HECTD4: variants seen among roughly 807,000 people sequenced by gnomAD.
HECTD4 encodes the protein HECT domain E3 ubiquitin protein ligase 4.
Under a neutral mutation model 471.5 loss-of-function variants are expected in HECTD4, and 114 were observed. The ratio of observed to expected loss-of-function variants is 0.24; its 90% confidence interval spans 0.21 to 0.28. The LOEUF (loss-of-function observed/expected upper bound fraction) is 0.28, where lower values mean the gene tolerates loss of function less well. HECTD4 is among the 10% of genes least tolerant of loss of function. The pLI, the probability that HECTD4 is intolerant of heterozygous loss-of-function variation, is 1.00. For missense variants in HECTD4, 3,866 were observed against 5,651.5 expected (o/e 0.68, Z 10.13); for synonymous variants, 2,012 against 2,256.0 (o/e 0.89, Z 3.07).
chr12:112,381,441 G>C lies in HECTD4; in HGVS notation c.177+511C>G, dbSNP rs74836869. ...AGAAGTTGCTGGATTGCCCATCGCG[G>C]ACCCGCAGCTGCCACTACCCTCTCC... On this transcript the variant is annotated intron_variant, in intron 1 of 75. Transcript: ENST00000682272. This position sits in a 1 kb window ranked among gnomAD's most constrained non-coding sequence, Gnocchi z 4.1. Among the ~76,000 whole-genome samples, 2 of 152,070 alleles carry C rather than the reference G, an allele frequency of 1.3e-5. No homozygotes were observed. Among genetic ancestry groups the C allele is most frequent in the Non-Finnish European group, 2.9e-5 (2 of 68,024 alleles).
chr12:112,296,726 T>C (rs1199780471), intron 7 of HECTD4, among the ~76,000 whole-genome samples: 1 of 119,238 alleles, frequency 8.4e-6, no homozygotes, highest in Non-Finnish European at 1.8e-5. Flanking sequence ...TAGGTGCAGA[T>C]GGTGTAGGTG....
chr12:112,375,258 T>C (rs573731115), intron 1 of HECTD4, among the ~76,000 whole-genome samples: 1 of 152,342 alleles, frequency 6.6e-6, no homozygotes, highest in Admixed American at 6.5e-5. Context: ...AATACTCCAT[T>C]GTATGGATGT....
Position 112,330,917 on chromosome 12 carries a change from A to G in HECTD4, c.178-11175T>C, listed in dbSNP as rs140097041. On this transcript the variant is annotated intron_variant, in intron 1 of 75. Transcript: ENST00000682272. ...GTGGTGAGGGGGAGGGGACATCAGA[A>G]TATGATTTAGGGCAGCTGTTCTCAA... 1.8e-3 allele frequency among the ~76,000 whole-genome samples: 280 copies of G among 152,296 alleles called. 1 individual carries two copies. The highest frequency in any genetic ancestry group is 0.01 in the Middle Eastern group (3 of 294).
intron 69 of HECTD4, 183 bp from the exon 70 acceptor site, chr12:112,169,841 G>C: frequency 1.4e-6 from 1 of 696,772 alleles, no homozygotes; most frequent in Non-Finnish European, 2.4e-6. Context: ...AGCACTCATG[G>C]CTCCCACTTT....
chr12:112,270,589 C>T, intron 11 of HECTD4, 130 bp from the exon 12 acceptor site: 2 of 750,106 alleles, frequency 2.7e-6, no homozygotes, highest in Non-Finnish European at 2.2e-6. Context: ...TCTTTCACTG[C>T]TGCCAGAGAA....
intron 52 of HECTD4, among the ~76,000 whole-genome samples, chr12:112,205,356 C>T (rs1233569366): frequency 1.3e-5 from 2 of 152,154 alleles, no homozygotes; most frequent in African/African-American, 4.8e-5. Context: ...ACTGTTTGAA[C>T]CCGGGAGGTG....
chr12:112,249,849 CT>C, intron 25 of HECTD4: 1 of 394,750 alleles, frequency 2.5e-6, no homozygotes, highest in Non-Finnish European at 4.7e-6. Flanking sequence ...AAATGGGAAA[CT>C]TGTTAAGCTG....
At chr12:112,337,282 T>C (rs1383631661) in intron 1 of HECTD4, among the ~76,000 whole-genome samples, 1 of 152,176 alleles carries the variant, frequency 6.6e-6, no homozygotes, top group African/African-American at 2.4e-5. Flanking sequence ...TTACTGTTAG[T>C]ATGAGCAATA....
At position 112,194,557 on chromosome 12, in the gene HECTD4, C is replaced by T. The variant is rs1163243144; in HGVS notation, c.8749+328G>A. 1.3e-5 allele frequency among the ~76,000 whole-genome samples: 2 copies of T among 152,226 alleles called. No homozygotes were observed. Among genetic ancestry groups the T allele is most frequent in the Admixed American group, 6.5e-5 (1 of 15,286 alleles). The stretch of plus-strand genomic sequence containing the variant: ...GAGGACGCTGATGACAGGAACATCT[C>T]CTTTCTTTCTAATGTCAAATAGAAT... On this transcript the variant is annotated intron_variant, in intron 56 of 75. Coordinates refer to ENST00000682272, the MANE Select transcript of HECTD4 (RefSeq NM_001388303.1). This position sits in a 1 kb window ranked among gnomAD's most constrained non-coding sequence, Gnocchi z 4.6.
chr12:112,271,123 C>T (rs867353865), intron 11 of HECTD4, among the ~76,000 whole-genome samples: 19 of 152,130 alleles, frequency 1.2e-4, no homozygotes, highest in African/African-American at 3.6e-4. Context: ...CCATAAAACT[C>T]GCCCACTCTA....
Position 112,193,222 on chromosome 12 carries a change from C to A in HECTD4, c.8956-31G>T. 1 of 1,610,290 alleles carries A rather than the reference C, an allele frequency of 6.2e-7. No homozygotes were observed. The highest frequency in any genetic ancestry group is 8.5e-7 in the Non-Finnish European group (1 of 1,178,192). On this transcript the variant is annotated intron_variant, in intron 57 of 75. Coordinates refer to ENST00000682272, the MANE Select transcript of HECTD4 (RefSeq NM_001388303.1). The surrounding 1 kb of genome is among the most constrained non-coding windows in gnomAD (Gnocchi z 5.2). ...AAGAGACACTGAATAAGGAAAGCCA[C>A]GGGCTAAACACAGGGACAGCATTTC...
intron 60 of HECTD4, among the ~76,000 whole-genome samples, chr12:112,187,817 A>G (rs565666249): frequency 8.8e-5 from 13 of 147,852 alleles, no homozygotes; most frequent in East Asian, 6.3e-4. Context: ...TAGTAGAGAC[A>G]CGGTTTCACT....
intron 1 of HECTD4, among the ~76,000 whole-genome samples, chr12:112,341,521 C>T (rs1420128407): frequency 6.6e-6 from 1 of 152,166 alleles, no homozygotes; most frequent in Non-Finnish European, 1.5e-5. Context: ...GAATCTTGCC[C>T]TTCCTGTCAA....
chr12:112,264,314 A>G (rs2034219266), intron 16 of HECTD4, 102 bp from the exon 17 acceptor site: 1 of 1,173,280 alleles, frequency 8.5e-7, no homozygotes, highest in African/African-American at 1.6e-5. Flanking sequence ...AAACAAAAAG[A>G]GAAATAAAAA....
At chr12:112,327,056 G>T (rs890827585) in intron 1 of HECTD4, among the ~76,000 whole-genome samples, 1 of 152,148 alleles carries the variant, frequency 6.6e-6, no homozygotes, top group Non-Finnish European at 1.5e-5. Context: ...GGCCAGGCGC[G>T]GTGGCTCACG....
chr12:112,364,408 CA>C (rs768813376), intron 1 of HECTD4, among the ~76,000 whole-genome samples: 153 of 123,900 alleles, frequency 1.2e-3, no homozygotes, highest in Admixed American at 2.4e-3. Flanking sequence ...CTCTCTCTCT[CA>C]AAAAAAAAAA....
intron 18 of HECTD4, 119 bp downstream of exon 18, chr12:112,261,186 T>C: frequency 8.8e-7 from 1 of 1,134,390 alleles, no homozygotes; most frequent in Non-Finnish European, 1.2e-6. Context: ...TTTAGCCTAT[T>C]CTCACAAAAA....
chr12:112,207,800 A>G (rs985078303), intron 52 of HECTD4, 74 bp downstream of exon 52: 1 of 1,546,376 alleles, frequency 6.5e-7, no homozygotes, highest in African/African-American at 1.4e-5. Context: ...CTCCTGATTT[A>G]CATTCTGATT....
At position 112,319,678 on chromosome 12, in the gene HECTD4, T is replaced by C; in HGVS notation, c.242A>G (p.Asn81Ser). Residue 81 changes from asparagine (N) to serine (S), a missense_variant, in exon 2 of 76, where the codon AAT (asparagine) becomes AGT (serine). Physicochemically the swap from Asn to Ser is conservative, Grantham distance 46. Around this residue, in one of 16 missense-constraint regions of HECTD4, gnomAD observed 440 missense variants for 636.0 expected, o/e 0.69. Coordinates refer to ENST00000682272, the MANE Select transcript of HECTD4 (RefSeq NM_001388303.1). This position sits in a 1 kb window ranked among gnomAD's most constrained non-coding sequence, Gnocchi z 5.3. ...LAERLRSVCG[N>S]QSNAYARLLE... ...CAGCCGGGCATAGGCATTGCTCTGA[T>C]TCCCACAAACAGAGCGCAAACGTTC... 1 of 1,325,740 alleles carries C rather than the reference T, an allele frequency of 7.5e-7. No individual in the cohort carries two copies. Among genetic ancestry groups the C allele is most frequent in the Non-Finnish European group, 9.6e-7 (1 of 1,041,614 alleles). The allele number at this position is 1,325,740 out of a possible 1,614,324, so 82.1% of individuals were successfully genotyped here.
Sources: allele counts gnomAD v4.1 joint callset (sites outside exome capture counted in the v4.1 genomes callset), GRCh38; gene constraint gnomAD v4.1.1; regional missense constraint gnomAD v4.1.1; non-coding constraint Gnocchi (gnomAD v3.1); transcripts MANE v1.5; gene names NCBI Gene and HGNC (gene_info 2026-07-23, HGNC 2026-07-21).